Variants in HMGCLL1 observed in about 807,000 individuals in gnomAD.
The protein encoded by HMGCLL1 is 3-hydroxy-3-methylglutaryl-CoA lyase like 1.
Under a neutral mutation model 39.1 loss-of-function variants are expected in HMGCLL1, and 36 were observed. The ratio of observed to expected loss-of-function variants is 0.92; its 90% CI spans 0.71 to 1.22. The LOEUF (loss-of-function observed/expected upper bound fraction) is 1.22. Ranked by LOEUF, HMGCLL1 falls within the 50% of genes most tolerant of loss-of-function variation. The pLI is 0.00. For missense variants in HMGCLL1, 451 were observed against 416.5 expected (o/e 1.08, Z -0.72); for synonymous variants, 149 against 144.0 (o/e 1.03, Z -0.25).
chr6:55,665,557 A>G, the HMGCLL1 span, among the ~76,000 whole-genome samples: 1 of 151,702 alleles, frequency 6.6e-6, no homozygotes, highest in Non-Finnish European at 1.5e-5. Flanking sequence ...TTCACTAAGT[A>G]CATTACCTGC....
At chr6:55,520,449 C>A in intron 3 of HMGCLL1, among the ~76,000 whole-genome samples, 1 of 151,562 alleles carries the variant, frequency 6.6e-6, no homozygotes, top group East Asian at 1.9e-4. Flanking sequence ...TATAATGAGG[C>A]CATTCAAGAA....
At chr6:55,523,506 AC>A (rs1768145754) in intron 3 of HMGCLL1, among the ~76,000 whole-genome samples, 1 of 151,940 alleles carries the variant, frequency 6.6e-6, no homozygotes, top group Non-Finnish European at 1.5e-5. Flanking sequence ...CGATTGGAAT[AC>A]CATTTAATTC....
chr6:55,675,916 C>T, the HMGCLL1 span, among the ~76,000 whole-genome samples: 1 of 152,048 alleles, frequency 6.6e-6, no homozygotes, highest in African/African-American at 2.4e-5. Context: ...TTTTATTACT[C>T]ATTTTAGAAT....
the HMGCLL1 span, among the ~76,000 whole-genome samples, chr6:55,588,879 A>C: frequency 2.0e-5 from 3 of 152,176 alleles, no homozygotes; most frequent in Non-Finnish European, 4.4e-5. Context: ...CTCTGAATAG[A>C]CCAATAACAG....
intron 7 of HMGCLL1, among the ~76,000 whole-genome samples, chr6:55,482,007 T>C (rs1765773655): frequency 6.6e-6 from 1 of 152,082 alleles, no homozygotes; most frequent in African/African-American, 2.4e-5. Context: ...CACACAAATT[T>C]CCTAAAAAAA....
At chr6:55,436,720 A>C (rs1365810592) in intron 8 of HMGCLL1, among the ~76,000 whole-genome samples, 2 of 151,984 alleles carry the variant, frequency 1.3e-5, no homozygotes, top group Admixed American at 6.6e-5. Context: ...AAGTATAAAA[A>C]CTCATAGGGG....
At chr6:55,632,153 ATGT>A in the HMGCLL1 span, among the ~76,000 whole-genome samples, 3 of 152,140 alleles carry the variant, frequency 2.0e-5, no homozygotes, top group Non-Finnish European at 4.4e-5. Context: ...TTGAGCCAAG[ATGT>A]AGGTTATAAT....
At position 55,579,166 on chromosome 6, in the gene HMGCLL1, T is replaced by G; in HGVS notation, c.-111A>C. ...TCGGGAGCGCGCCCCTCCGGTGCACTGGCTGTGAGGACCAGAGCTGTTCTG... is the reference window on the plus strand; with the variant it reads ...TCGGGAGCGCGCCCCTCCGGTGCACGGGCTGTGAGGACCAGAGCTGTTCTG... On this transcript the variant is annotated 5_prime_UTR_variant, in exon 1 of 9. Transcript: ENST00000274901. 11 of 787,680 alleles carry G rather than the reference T, an allele frequency of 1.4e-5. No individual in the cohort carries two copies. Among genetic ancestry groups the G allele is most frequent in the Non-Finnish European group, 2.1e-5 (10 of 470,078 alleles). 48.8% of individuals were successfully genotyped at this position (787,680 alleles called of 1,614,324 possible).
At chr6:55,556,279 G>A (rs1770661253) in intron 1 of HMGCLL1, among the ~76,000 whole-genome samples, 1 of 152,140 alleles carries the variant, frequency 6.6e-6, no homozygotes, top group South Asian at 2.1e-4. Flanking sequence ...AGGAACTAAG[G>A]GAATAAGAAA....
the HMGCLL1 span, among the ~76,000 whole-genome samples, chr6:55,633,236 T>G: frequency 6.6e-6 from 1 of 151,820 alleles, no homozygotes; most frequent in African/African-American, 2.4e-5. Context: ...TTGAAGAAGG[T>G]CAAAACTGGT....
At chr6:55,598,323 A>T in the HMGCLL1 span, among the ~76,000 whole-genome samples, 1 of 152,216 alleles carries the variant, frequency 6.6e-6, no homozygotes, top group African/African-American at 2.4e-5. Context: ...TACAAAAAAA[A>T]TTAGAGAGCA....
rs563835217 is a variant in HMGCLL1 at position 55,448,088 on chromosome 6, T to C, written c.796-8529A>G. 2.0e-5 allele frequency among the ~76,000 whole-genome samples: 3 copies of C among 152,214 alleles called. No individual in the cohort carries two copies. In the East Asian group the frequency reaches 5.8e-4, roughly 29 times the overall value. ...TTAGCAAACAACTTCAGAAAGTAAA[T>C]ATTTGTTGTCCTAGTGATTGTATTT... On this transcript the variant is annotated intron_variant, in intron 7 of 8. Coordinates refer to ENST00000274901, the MANE Select transcript of HMGCLL1 (RefSeq NM_001042406.2).
At chr6:55,538,582 G>C (rs867275691) in intron 3 of HMGCLL1, among the ~76,000 whole-genome samples, 22 of 152,176 alleles carry the variant, frequency 1.4e-4, no homozygotes, top group Middle Eastern at 3.4e-3. Context: ...AAATAGTTTT[G>C]TGACCTTCAT....
At chr6:55,511,924 A>C (rs1354721010) in intron 5 of HMGCLL1, among the ~76,000 whole-genome samples, 1 of 152,060 alleles carries the variant, frequency 6.6e-6, no homozygotes, top group African/African-American at 2.4e-5. Flanking sequence ...ATTTGTCTAT[A>C]ATTCTACAGT....
At chr6:55,518,872 G>T (rs893137562) in intron 3 of HMGCLL1, among the ~76,000 whole-genome samples, 1 of 152,086 alleles carries the variant, frequency 6.6e-6, no homozygotes, top group African/African-American at 2.4e-5. Context: ...TTCAAATCCT[G>T]GCCCACAGAA....
chr6:55,516,131 A>G (rs1767723282), intron 4 of HMGCLL1, among the ~76,000 whole-genome samples: 1 of 152,132 alleles, frequency 6.6e-6, no homozygotes, highest in African/African-American at 2.4e-5. Flanking sequence ...GCTGATCAAC[A>G]AAGGTTGACA....
chr6:55,588,474 C>T, the HMGCLL1 span, among the ~76,000 whole-genome samples: 1 of 151,866 alleles, frequency 6.6e-6, no homozygotes, highest in East Asian at 1.9e-4. Flanking sequence ...AATTGACACC[C>T]TAACATCACA....
rs745740684 is a variant in HMGCLL1 at position 55,439,446 on chromosome 6, C to T, written c.909G>A (p.Leu303=). The T allele has an allele frequency of 2.5e-6, 4 of 1,612,176 alleles. No homozygotes were observed. Among genetic ancestry groups the T allele is most frequent in the Middle Eastern group, 1.7e-4 (1 of 6,050 alleles). Residue 303 remains leucine (L), a synonymous_variant, in exon 8 of 9, where the codon CTG becomes CTA. Coordinates refer to ENST00000274901, the MANE Select transcript of HMGCLL1 (RefSeq NM_001042406.2). ...TAAAGTAACTTACTGTATTGAGCCCCAGGCCATTAAGCATATATATCAAAT... is the reference window on the plus strand; with the variant it reads ...TAAAGTAACTTACTGTATTGAGCCCTAGGCCATTAAGCATATATATCAAAT... ...TEDLIYMLNG[L]GLNTGVNLYK...
the HMGCLL1 span, among the ~76,000 whole-genome samples, chr6:55,627,996 T>A: frequency 2.5e-4 from 6 of 24,056 alleles, no homozygotes; most frequent in Admixed American, 1.7e-3. Context: ...ATATATTATA[T>A]ATATAGTTAT....
Sources: gnomAD v4.1 joint callset for allele counts (sites outside exome capture counted in the v4.1 genomes callset) on GRCh38, gnomAD v4.1.1 for gene constraint, MANE v1.5 for transcripts, NCBI Gene and HGNC (gene_info 2026-07-23, HGNC 2026-07-21) for gene names.